Variants in ACCSL observed in about 807,000 individuals in gnomAD.
The protein encoded by ACCSL is probable inactive 1-aminocyclopropane-1-carboxylate synthase-like protein 2.
A neutral mutation model predicts 61.7 loss-of-function variants in ACCSL; 55 were observed. The ratio of observed to expected loss-of-function variants is 0.89; its 90% CI spans 0.72 to 1.12. ACCSL has a LOEUF of 1.12. Ranked by LOEUF, ACCSL falls within the 50% of genes most tolerant of loss-of-function variation. ACCSL has a pLI of 0.00. For missense variants in ACCSL, 632 were observed against 698.0 expected, an observed-to-expected ratio of 0.91 and a Z score of 1.07; for synonymous variants, 258 against 264.3, an observed-to-expected ratio of 0.98 and a Z score of 0.23.
At chr11:43,959,293 A>G in the ACCSL span, among the ~76,000 whole-genome samples, 1 of 152,164 alleles carries the variant, frequency 6.6e-6, no homozygotes, top group East Asian at 1.9e-4. Context: ...GAACAGGGCC[A>G]TATCCATGGC....
chr11:44,040,622 A>G, the ACCSL span, among the ~76,000 whole-genome samples: 4 of 152,296 alleles, frequency 2.6e-5, no homozygotes, highest in East Asian at 7.7e-4. Context: ...GCTGACAGTC[A>G]ATGATGGTTT....
chr11:43,984,727 C>T, the ACCSL span, among the ~76,000 whole-genome samples: 1 of 152,258 alleles, frequency 6.6e-6, no homozygotes, highest in Non-Finnish European at 1.5e-5. Flanking sequence ...TGCTTCCCCT[C>T]GTAGGACAAT....
chr11:44,044,654 G>C (rs1406734017), upstream of ACCSL, among the ~76,000 whole-genome samples: 2 of 152,126 alleles, frequency 1.3e-5, no homozygotes, highest in Non-Finnish European at 2.9e-5. Context: ...AAGGCTGGAA[G>C]AGTTATAAGG....
chr11:44,000,089 G>A, the ACCSL span, among the ~76,000 whole-genome samples: 2 of 152,174 alleles, frequency 1.3e-5, no homozygotes, highest in East Asian at 3.9e-4. Flanking sequence ...AGACCAGCCT[G>A]AGCAAAATGG....
the ACCSL span, chr11:43,944,273 C>T: frequency 6.2e-6 from 1 of 161,890 alleles, no homozygotes. Context: ...TGCGCTGATT[C>T]CTGGCGGCGG....
At chr11:43,986,050 C>T in the ACCSL span, among the ~76,000 whole-genome samples, 1 of 59,112 alleles carries the variant, frequency 1.7e-5, no homozygotes, top group African/African-American at 5.2e-5. Flanking sequence ...CATTCCATGT[C>T]ACCCTCCCCA....
the ACCSL span, among the ~76,000 whole-genome samples, chr11:43,923,478 G>A: frequency 6.6e-6 from 1 of 152,112 alleles, no homozygotes; most frequent in Non-Finnish European, 1.5e-5. Context: ...TCTCCTCAGA[G>A]GGACCTGGTC....
At chr11:43,974,371 T>C in the ACCSL span, among the ~76,000 whole-genome samples, 1 of 152,250 alleles carries the variant, frequency 6.6e-6, no homozygotes, top group Non-Finnish European at 1.5e-5. Flanking sequence ...TCTTTATCTC[T>C]ACCTTTATCT....
the ACCSL span, among the ~76,000 whole-genome samples, chr11:43,940,639 C>T: frequency 2.0e-4 from 31 of 151,836 alleles, no homozygotes; most frequent in Non-Finnish European, 2.9e-4. Flanking sequence ...GGATTACAGG[C>T]GTGAGCCACC....
chr11:43,996,513 C>G, the ACCSL span, among the ~76,000 whole-genome samples: 1 of 152,126 alleles, frequency 6.6e-6, no homozygotes, highest in Non-Finnish European at 1.5e-5. Context: ...TAGGTCATGT[C>G]AAGGATGAAC....
At chr11:43,930,648 G>C in the ACCSL span, among the ~76,000 whole-genome samples, 5 of 152,124 alleles carry the variant, frequency 3.3e-5, no homozygotes, top group Non-Finnish European at 7.4e-5. Flanking sequence ...TGCTGTGCTT[G>C]TACAGCCTGC....
chr11:44,001,065 T>C, the ACCSL span: 6 of 152,270 alleles, frequency 3.9e-5, no homozygotes, highest in East Asian at 1.2e-3. Flanking sequence ...ATTATTGTTA[T>C]TCATGCATTT....
At chr11:43,947,980 G>C in the ACCSL span, among the ~76,000 whole-genome samples, 6 of 152,186 alleles carry the variant, frequency 3.9e-5, no homozygotes, top group Admixed American at 6.5e-5. Flanking sequence ...CCCTGCCTGG[G>C]CTTCAGCCTG....
chr11:44,025,703 C>T, the ACCSL span, among the ~76,000 whole-genome samples: 3 of 152,152 alleles, frequency 2.0e-5, no homozygotes, highest in Admixed American at 6.5e-5. Context: ...CTAAATGACT[C>T]CTTTAGTATT....
At chr11:43,925,361 A>G in the ACCSL span, 1 of 456,114 alleles carries the variant, frequency 2.2e-6, no homozygotes, top group East Asian at 7.0e-5. Flanking sequence ...AAGCAGCCCC[A>G]GAAGGTCACG....
the ACCSL span, among the ~76,000 whole-genome samples, chr11:44,026,477 G>C: frequency 6.6e-6 from 1 of 151,958 alleles, no homozygotes; most frequent in Admixed American, 6.6e-5. Flanking sequence ...TTAGTTATTT[G>C]ACTATATTTA....
the ACCSL span, among the ~76,000 whole-genome samples, chr11:43,929,376 T>C: frequency 3.3e-5 from 5 of 151,954 alleles, no homozygotes. Flanking sequence ...CATGCCATCA[T>C]GCGCAGCTAA....
chr11:44,030,519 C>A, the ACCSL span, among the ~76,000 whole-genome samples: 1 of 151,678 alleles, frequency 6.6e-6, no homozygotes, highest in Non-Finnish European at 1.5e-5. Context: ...CACAGGACTG[C>A]GTCCCTGTGG....
At chr11:43,967,139 CTCAGTTCTT>C in the ACCSL span, among the ~76,000 whole-genome samples, 2 of 146,134 alleles carry the variant, frequency 1.4e-5, no homozygotes, top group Non-Finnish European at 3.0e-5. Context: ...TACTACTTCC[CTCAGTTCTT>C]CCAGTTCTTC....
Sources: allele counts gnomAD v4.1 joint callset (sites outside exome capture counted in the v4.1 genomes callset), GRCh38; gene constraint gnomAD v4.1.1; transcripts MANE v1.5; gene names NCBI Gene and HGNC (gene_info 2026-07-23, HGNC 2026-07-21).